Variants in MGA observed in about 807,000 individuals in gnomAD.
The protein encoded by MGA is MAX dimerization protein MGA, also known as MAX gene-associated protein.
In MGA, 40 loss-of-function variants were observed where a neutral mutation model predicts 261.1. The observed-to-expected ratio is 0.15, with a 90% CI of 0.12 to 0.20. The LOEUF is 0.20. Ranked by LOEUF, MGA falls within the 10% of genes least tolerant of loss-of-function variation. The pLI is 1.00. For missense variants in MGA, 3,397 were observed against 3,630.5 expected (o/e 0.94, Z 1.65); for synonymous variants, 1,302 against 1,290.6 (o/e 1.01, Z -0.19).
chr15:41,765,163 G>A, intron 23 of MGA, 101 bp downstream of exon 23: 3 of 1,348,928 alleles, frequency 2.2e-6, no homozygotes, highest in South Asian at 2.5e-5. Context: ...ATGATAAAGA[G>A]CTATTCTGTT....
intron 17 of MGA, among the ~76,000 whole-genome samples, chr15:41,753,239 A>G (rs752513391): frequency 6.6e-6 from 1 of 152,134 alleles, no homozygotes; most frequent in Non-Finnish European, 1.5e-5. Context: ...GTGAAACCCC[A>G]TCTCTACTAA....
At chr15:41,673,863 T>A (rs925838541) in intron 2 of MGA, among the ~76,000 whole-genome samples, 17 of 152,242 alleles carry the variant, frequency 1.1e-4, no homozygotes, top group African/African-American at 4.1e-4. Context: ...GTCTTATCTA[T>A]GACTTTGACC....
intron 9 of MGA, among the ~76,000 whole-genome samples, chr15:41,723,876 A>G (rs1341480823): frequency 6.6e-6 from 1 of 151,772 alleles, no homozygotes; most frequent in Non-Finnish European, 1.5e-5. Context: ...ACCATTTCCT[A>G]CTTATTCACA....
chr15:41,685,565 TAAAC>T (rs1251198728), intron 2 of MGA, among the ~76,000 whole-genome samples: 1 of 152,216 alleles, frequency 6.6e-6, no homozygotes, highest in Non-Finnish European at 1.5e-5. Flanking sequence ...AATATTCTGT[TAAAC>T]AAGGTATATA....
chr15:41,752,349 C>T (rs1366370623), intron 17 of MGA: 50 of 152,112 alleles, frequency 3.3e-4, no homozygotes, highest in Admixed American at 3.3e-3. Flanking sequence ...TTGACTTATA[C>T]CTTCTCTCCA....
At chr15:41,625,123 C>T (rs2056415726) in intron 1 of MGA, among the ~76,000 whole-genome samples, 1 of 152,120 alleles carries the variant, frequency 6.6e-6, no homozygotes. Flanking sequence ...GATTGGCCAA[C>T]AGAGTGAGAC....
At chr15:41,752,822 G>A (rs1308310799) in intron 17 of MGA, among the ~76,000 whole-genome samples, 3 of 152,114 alleles carry the variant, frequency 2.0e-5, no homozygotes, top group African/African-American at 7.2e-5. Context: ...CCTCCCAAAA[G>A]TGCTGGGATT....
chr15:41,669,134 T>C lies in MGA; in HGVS notation c.240T>C (p.Asp80=). ...TGGGTGGAATCACTGTTACCCTCGA[T>C]AACAATAGTATGTGGAATGAGTTCT... The change falls in exon 2 of 24, where the codon GAT becomes GAC. Residue 80 remains aspartate, a synonymous_variant. Coordinates refer to ENST00000219905, the MANE Select transcript of MGA (RefSeq NM_001164273.2). 1 of 1,613,368 alleles carries C rather than the reference T, an allele frequency of 6.2e-7. No homozygotes were observed. The highest frequency in any genetic ancestry group is 8.5e-7 in the Non-Finnish European group (1 of 1,179,298).
Position 41,718,448 on chromosome 15 carries a change from A to G in MGA, c.3430+4952A>G. On this transcript the variant is annotated intron_variant, in intron 9 of 23. Transcript: ENST00000219905. ...GCAGGTAGCCCTGGAGCTGAGGAAT[A>G]GCTTTGATTTTTCGTACAATTTGTG... 7 of 1,027,948 alleles carry G rather than the reference A, an allele frequency of 6.8e-6. No homozygotes were observed. In the Admixed American group the frequency reaches 1.1e-4, roughly 16 times the overall value. The allele number at this position is 1,027,948 out of a possible 1,614,324, so 63.7% of individuals were successfully genotyped here. A position where few individuals can be genotyped will look rare whatever the true frequency, so the allele number is the denominator to read the frequency against.
At chr15:41,679,336 G>A (rs922795366) in intron 2 of MGA, among the ~76,000 whole-genome samples, 5 of 152,116 alleles carry the variant, frequency 3.3e-5, no homozygotes, top group Non-Finnish European at 5.9e-5. Flanking sequence ...GAGCCACCGC[G>A]CTGGGCCGAG....
intron 2 of MGA, among the ~76,000 whole-genome samples, chr15:41,688,550 T>C (rs1013462364): frequency 7.9e-5 from 12 of 152,214 alleles, no homozygotes; most frequent in Admixed American, 4.6e-4. Context: ...ATCCACTGTT[T>C]TAACCTTTGG....
chr15:41,671,017 C>T (rs958187363), intron 2 of MGA, among the ~76,000 whole-genome samples: 2 of 152,210 alleles, frequency 1.3e-5, no homozygotes, highest in African/African-American at 4.8e-5. Flanking sequence ...AGGCCCACCA[C>T]ATCTACTGGT....
At chr15:41,762,068 ACT>A in intron 21 of MGA, 59 bp from the exon 22 acceptor site, 2 of 1,345,462 alleles carry the variant, frequency 1.5e-6, no homozygotes, top group Non-Finnish European at 2.1e-6. Context: ...ATTTCTGTTG[ACT>A]CTGTTTCTCA....
Position 41,762,249 on chromosome 15 carries a change from T to A in MGA, c.7631T>A (p.Ile2544Asn). ...GATGAGTTTGACATATCTCCCAGAATTAGCAAACAGCAGGAAGGATCTTCT... is the reference window on the plus strand; with the variant it reads ...GATGAGTTTGACATATCTCCCAGAAATAGCAAACAGCAGGAAGGATCTTCT... The change falls in exon 22 of 24, where the codon ATT becomes AAT. Residue 2544 changes from isoleucine (I) to asparagine (N), a missense_variant. This residue lies in a region of MGA where 647 missense variants were observed against 642.4 expected (regional missense o/e 1.01). Coordinates refer to ENST00000219905, the MANE Select transcript of MGA (RefSeq NM_001164273.2). 4 of 1,613,856 alleles carry A rather than the reference T, an allele frequency of 2.5e-6. No individual in the cohort carries two copies. The highest frequency in any genetic ancestry group is 3.4e-6 in the Non-Finnish European group (4 of 1,179,856).
chr15:41,731,308 C>T (rs971555711), intron 11 of MGA, among the ~76,000 whole-genome samples: 10 of 152,108 alleles, frequency 6.6e-5, no homozygotes, highest in Admixed American at 5.9e-4. Context: ...TATAGTTAAG[C>T]TAGTAGCATT....
chr15:41,644,324 C>T (rs906551648), intron 1 of MGA, among the ~76,000 whole-genome samples: 3 of 118,154 alleles, frequency 2.5e-5, no homozygotes, highest in East Asian at 2.3e-4. Flanking sequence ...GCCTGGGCAA[C>T]GTAGCAAGAC....
chr15:41,706,843 G>C (rs1001069026), intron 5 of MGA, among the ~76,000 whole-genome samples: 2 of 152,012 alleles, frequency 1.3e-5, no homozygotes, highest in African/African-American at 4.8e-5. Context: ...CAAAGTGCTG[G>C]GATTGCAAGT....
chr15:41,718,286 AGTGT>A (rs536829836), intron 9 of MGA: 2 of 209,530 alleles, frequency 9.5e-6, no homozygotes, highest in Non-Finnish European at 1.8e-5. Context: ...GTGTATATGT[AGTGT>A]GTGTGTGTGT....
intron 15 of MGA, among the ~76,000 whole-genome samples, chr15:41,745,984 G>A (rs1458738303): frequency 6.6e-6 from 1 of 152,156 alleles, no homozygotes; most frequent in Non-Finnish European, 1.5e-5. Flanking sequence ...ACTTAAGGAA[G>A]TGTGTGTAAT....
Sources: gnomAD v4.1 joint callset for allele counts (sites outside exome capture counted in the v4.1 genomes callset) on GRCh38, gnomAD v4.1.1 for gene constraint, gnomAD v4.1.1 regional missense constraint, MANE v1.5 for transcripts, NCBI Gene and HGNC (gene_info 2026-07-23, HGNC 2026-07-21) for gene names.